TYW1B: variants seen among roughly 807,000 people sequenced by gnomAD.
TYW1B encodes S-adenosyl-L-methionine-dependent tRNA 4-demethylwyosine synthase TYW1B.
In TYW1B, 73 loss-of-function variants were observed where a neutral mutation model predicts 86.9. That is an observed-to-expected ratio of 0.84 (90% CI 0.70 to 1.02). TYW1B has a LOEUF of 1.02. Ranked by LOEUF, TYW1B falls within the 50% of genes least tolerant of loss-of-function variation. The pLI is 0.00. For synonymous variants in TYW1B, 248 were observed against 292.8 expected (o/e 0.85, Z 1.56); for missense variants, 637 against 827.4 (o/e 0.77, Z 2.82).
intron 7 of TYW1B, among the ~76,000 whole-genome samples, chr7:72,760,385 A>G (rs536959396): frequency 6.6e-6 from 1 of 152,360 alleles, no homozygotes; most frequent in South Asian, 2.1e-4. Flanking sequence ...GTTTAGCCAT[A>G]TGAACAGGTT....
intron 11 of TYW1B, among the ~76,000 whole-genome samples, chr7:72,662,860 TC>T (rs1813367704): frequency 6.6e-6 from 1 of 152,214 alleles, no homozygotes; most frequent in Admixed American, 6.5e-5. Context: ...TCTATTATCT[TC>T]ATTTCCCAAA....
intron 7 of TYW1B, among the ~76,000 whole-genome samples, chr7:72,745,213 G>A (rs1277551461): frequency 6.6e-6 from 1 of 152,052 alleles, no homozygotes; most frequent in Non-Finnish European, 1.5e-5. Flanking sequence ...TTGTAGAGAT[G>A]AGGTCTCACT....
At chr7:72,725,933 TTC>T (rs1585932972) in intron 9 of TYW1B, among the ~76,000 whole-genome samples, 1 of 152,154 alleles carries the variant, frequency 6.6e-6, no homozygotes, top group East Asian at 1.9e-4. Flanking sequence ...CACCCATTGG[TTC>T]TGTTTTTCTG....
intron 6 of TYW1B, among the ~76,000 whole-genome samples, chr7:72,786,944 A>T (rs1216649741): frequency 6.6e-6 from 1 of 151,986 alleles, no homozygotes; most frequent in African/African-American, 2.4e-5. Context: ...TATCACATGC[A>T]TCATTTTCAG....
intron 7 of TYW1B, among the ~76,000 whole-genome samples, chr7:72,772,160 A>C (rs1236393816): frequency 6.6e-6 from 1 of 151,696 alleles, no homozygotes; most frequent in African/African-American, 2.4e-5. Flanking sequence ...TGAAACAATA[A>C]ATTAATCCAA....
intron 5 of TYW1B, among the ~76,000 whole-genome samples, chr7:72,803,947 T>G (rs1286960506): frequency 1.3e-5 from 2 of 152,010 alleles, no homozygotes; most frequent in Non-Finnish European, 2.9e-5. Flanking sequence ...AAGTAGTTGT[T>G]TGTTTTCAAC....
chr7:72,668,235 T>C (rs1813513547), intron 11 of TYW1B, among the ~76,000 whole-genome samples: 1 of 152,228 alleles, frequency 6.6e-6, no homozygotes, highest in African/African-American at 2.4e-5. Context: ...CAGGAGAAAA[T>C]GTCATCCATG....
chr7:72,776,783 AC>A (rs1787962997), intron 7 of TYW1B, among the ~76,000 whole-genome samples: 1 of 151,662 alleles, frequency 6.6e-6, no homozygotes. Context: ...AATATAATCT[AC>A]CCTAATTAAA....
intron 13 of TYW1B, among the ~76,000 whole-genome samples, chr7:72,586,164 G>A (rs1295692432): frequency 5.9e-5 from 9 of 152,180 alleles, no homozygotes; most frequent in Non-Finnish European, 1.2e-4. Flanking sequence ...CCGAGTCTAG[G>A]AGAATTCCAT....
chr7:72,806,249 T>G (rs1461077510), intron 5 of TYW1B, among the ~76,000 whole-genome samples: 8 of 151,358 alleles, frequency 5.3e-5, no homozygotes, highest in African/African-American at 1.9e-4. Context: ...TTTTTTTTTT[T>G]TTTTGAGACT....
intron 10 of TYW1B, 113 bp downstream of exon 10, chr7:72,713,508 T>TGTATGTAGTAA (rs1786717476): frequency 9.1e-7 from 1 of 1,102,930 alleles, no homozygotes; most frequent in African/African-American, 1.6e-5. Flanking sequence ...GCCCAACATT[T>TGTATGTAGTAA]GTATGTAGTA....
At position 72,802,492 on chromosome 7, in the gene TYW1B, C is replaced by T. The variant is rs1554475978; in HGVS notation, c.754G>A (p.Glu252Lys). 1 of 1,613,934 alleles carries T rather than the reference C, an allele frequency of 6.2e-7. No individual in the cohort carries two copies. The highest frequency in any genetic ancestry group is 1.7e-5 in the Admixed American group (1 of 59,996). The change falls in exon 6 of 14, where the codon GAA becomes AAA. Residue 252 changes from glutamate to lysine, a missense_variant. Glu to Lys is a moderately conservative substitution (Grantham distance 56). Coordinates refer to ENST00000620995, the MANE Select transcript of TYW1B (RefSeq NM_001145440.3). ...EEEPFESSSE[E>K]EFGGEDHQSL... ...TGATGGTCCTCACCACCAAACTCTTCTTCACTGGAGCTCTCGAAGGGTTCT... is the reference window on the plus strand; with the variant it reads ...TGATGGTCCTCACCACCAAACTCTTTTTCACTGGAGCTCTCGAAGGGTTCT...
intron 13 of TYW1B, among the ~76,000 whole-genome samples, chr7:72,608,758 T>C (rs1811859980): frequency 6.6e-6 from 1 of 152,172 alleles, no homozygotes; most frequent in South Asian, 2.1e-4. Flanking sequence ...AGAGTAAACT[T>C]CTGTTTATAT....
At chr7:72,608,316 T>A (rs1811851089) in intron 13 of TYW1B, among the ~76,000 whole-genome samples, 1 of 152,334 alleles carries the variant, frequency 6.6e-6, no homozygotes, top group Admixed American at 6.5e-5. Flanking sequence ...AAGTTACCTT[T>A]GATAGTTGAA....
At chr7:72,794,820 CTTT>C (rs782680796) in intron 6 of TYW1B, among the ~76,000 whole-genome samples, 9 of 139,080 alleles carry the variant, frequency 6.5e-5, no homozygotes, top group Admixed American at 7.3e-5. Context: ...CCCCACTTTT[CTTT>C]TTTTTTTTTT....
intron 2 of TYW1B, among the ~76,000 whole-genome samples, chr7:72,819,019 G>A (rs1386809533): frequency 2.0e-5 from 3 of 152,090 alleles, no homozygotes; most frequent in Non-Finnish European, 2.9e-5. Flanking sequence ...ATTCCTTTAT[G>A]GCAATGCAAA....
intron 7 of TYW1B, among the ~76,000 whole-genome samples, chr7:72,751,716 T>C (rs1414831792): frequency 6.6e-6 from 1 of 152,240 alleles, no homozygotes; most frequent in Non-Finnish European, 1.5e-5. Flanking sequence ...TCTTGTGTCC[T>C]AGACATTCTG....
chr7:72,798,304 C>T (rs1286230838), intron 6 of TYW1B, among the ~76,000 whole-genome samples: 7 of 151,526 alleles, frequency 4.6e-5, no homozygotes, highest in South Asian at 2.1e-4. Context: ...GGCAGGAGAA[C>T]GGCGTGAACC....
At chr7:72,810,815 A>C (rs1192840989) in intron 3 of TYW1B, 150 bp from the exon 4 acceptor site, 1 of 1,139,386 alleles carries the variant, frequency 8.8e-7, no homozygotes, top group African/African-American at 1.6e-5. Flanking sequence ...GGCCTGACTA[A>C]GAAACACAGC....
Sources: gnomAD v4.1 joint callset for allele counts (sites outside exome capture counted in the v4.1 genomes callset) on GRCh38, gnomAD v4.1.1 for gene constraint, MANE v1.5 for transcripts, NCBI Gene and HGNC (gene_info 2026-07-23, HGNC 2026-07-21) for gene names.